CDK12: variants seen among roughly 807,000 people sequenced by gnomAD.
The protein encoded by CDK12 is cyclin-dependent kinase 12.
CDK12 carries 17 observed loss-of-function variants against 133.8 expected under a neutral mutation model. The ratio of observed to expected loss-of-function variants is 0.13; its 90% CI spans 0.09 to 0.19. The LOEUF is 0.19. CDK12 is among the 10% of genes least tolerant of loss of function. CDK12 has a pLI of 1.00. For missense variants in CDK12, 1,508 were observed against 1,818.7 expected (o/e 0.83, Z 3.11); for synonymous variants, 694 against 683.6 (o/e 1.02, Z -0.24).
At chr17:39,487,172 T>A (rs958821804) in intron 2 of CDK12, among the ~76,000 whole-genome samples, 23 of 152,218 alleles carry the variant, frequency 1.5e-4, no homozygotes, top group Non-Finnish European at 1.5e-4. Flanking sequence ...CTCCACTGAC[T>A]ATCCCAGTTC....
At chr17:39,481,676 C>T (rs1567706461) in intron 2 of CDK12, among the ~76,000 whole-genome samples, 9 of 12,358 alleles carry the variant, frequency 7.3e-4, no homozygotes, top group Non-Finnish European at 2.4e-3. Context: ...CTCTCTCTCT[C>T]TCTCTCTCTC....
chr17:39,518,536 T>C (rs2053959416), intron 10 of CDK12, among the ~76,000 whole-genome samples: 6 of 152,032 alleles, frequency 3.9e-5, no homozygotes. Context: ...CTCTCTGTTA[T>C]TTTATTTTAC....
chr17:39,472,857 C>G (rs1281916403), intron 2 of CDK12, among the ~76,000 whole-genome samples: 2 of 151,808 alleles, frequency 1.3e-5, no homozygotes, highest in Non-Finnish European at 2.9e-5. Context: ...GGGCGGATCA[C>G]AAGGTCAGGA....
At chr17:39,475,229 G>A (rs2050104715) in intron 2 of CDK12, among the ~76,000 whole-genome samples, 1 of 152,130 alleles carries the variant, frequency 6.6e-6, no homozygotes, top group Admixed American at 6.6e-5. Context: ...CAGTACTTTG[G>A]GAGGCCATGG....
chr17:39,512,758 A>G (rs1310159524), intron 8 of CDK12, among the ~76,000 whole-genome samples: 1 of 152,234 alleles, frequency 6.6e-6, no homozygotes, highest in East Asian at 1.9e-4. Flanking sequence ...GGTCTAAATA[A>G]TATAGAAAAG....
At chr17:39,559,815 G>A (rs2056302851) in intron 3 of CDK12, among the ~76,000 whole-genome samples, 1 of 149,664 alleles carries the variant, frequency 6.7e-6, no homozygotes, top group Non-Finnish European at 1.5e-5. Flanking sequence ...CGCCAGCCTG[G>A]GTGACACAGC....
intron 11 of CDK12, among the ~76,000 whole-genome samples, chr17:39,524,430 A>G (rs1015767235): frequency 3.3e-5 from 5 of 152,184 alleles, no homozygotes; most frequent in African/African-American, 1.2e-4. Context: ...GTCTGTACCT[A>G]GTATTAGCAA....
At chr17:39,491,929 C>G (rs1364757891) in intron 3 of CDK12, among the ~76,000 whole-genome samples, 1 of 149,308 alleles carries the variant, frequency 6.7e-6, no homozygotes, top group South Asian at 2.1e-4. Context: ...GAGATCGAGA[C>G]CATCTTGACC....
chr17:39,506,243 G>A (rs2053114966), intron 6 of CDK12, among the ~76,000 whole-genome samples: 1 of 137,528 alleles, frequency 7.3e-6, no homozygotes, highest in South Asian at 2.3e-4. Flanking sequence ...TTGAGATGGA[G>A]TCTCACTCTG....
intron 10 of CDK12, among the ~76,000 whole-genome samples, chr17:39,518,055 G>A (rs989875749): frequency 1.3e-5 from 2 of 149,706 alleles, no homozygotes; most frequent in Admixed American, 1.3e-4. Flanking sequence ...TTGGCTCACT[G>A]CAACCTCTGC....
rs148143213 is a variant in CDK12 at position 39,489,986 on chromosome 17, G to A, written c.1932-571G>A. Among the ~76,000 whole-genome samples, 1,229 of 151,472 alleles carry A rather than the reference G, an allele frequency of 8.1e-3. 33 individuals carry two copies. Among genetic ancestry groups the A allele is most frequent in the East Asian group, 0.069 (354 of 5,150 alleles). ...AAACTCCAAATAAAATCTTAGGAAC[G>A]ATATATTAAGAGTTTGATAAAGGGA... is the stretch of plus-strand genomic sequence containing the variant. On this transcript the variant is annotated intron_variant, in intron 2 of 13. Coordinates refer to ENST00000447079, the MANE Select transcript of CDK12 (RefSeq NM_016507.4).
chr17:39,533,915 C>G lies in CDK12; in HGVS notation c.*2599C>G, dbSNP rs2055009320. 4.3e-6 allele frequency: 1 copy of G among 231,868 alleles called. No homozygotes were observed. Among genetic ancestry groups the G allele is most frequent in the African/African-American group, 2.2e-5 (1 of 45,260 alleles). 14.4% of individuals were successfully genotyped at this position (231,868 alleles called of 1,614,324 possible). ...AAGTAAAGGTTTGGCAGAATTTCAC[C>G]TTGACTATTTGAAAATTACAGACCC... On this transcript the variant is annotated 3_prime_UTR_variant, in exon 14 of 14. Coordinates refer to ENST00000447079, the MANE Select transcript of CDK12 (RefSeq NM_016507.4).
At chr17:39,484,835 C>T (rs1486296097) in intron 2 of CDK12, among the ~76,000 whole-genome samples, 1 of 152,028 alleles carries the variant, frequency 6.6e-6, no homozygotes, top group African/African-American at 2.4e-5. Flanking sequence ...TATGCTCATC[C>T]AGTATAATGC....
At chr17:39,488,126 T>A (rs901405239) in intron 2 of CDK12, among the ~76,000 whole-genome samples, 1 of 151,798 alleles carries the variant, frequency 6.6e-6, no homozygotes, top group East Asian at 1.9e-4. Context: ...CCCAGCTTCT[T>A]AGGAGGCTAA....
intron 1 of CDK12, among the ~76,000 whole-genome samples, chr17:39,464,700 T>C (rs1421908420): frequency 1.3e-5 from 2 of 151,908 alleles, no homozygotes; most frequent in Admixed American, 6.6e-5. Context: ...AAGGTTGTAG[T>C]GAACACCCAT....
Position 39,530,731 on chromosome 17 carries a change from C to T in CDK12, c.3888C>T (p.Ala1296=), listed in dbSNP as rs143708999. The T allele has an allele frequency of 1.6e-5, 26 of 1,614,050 alleles. No homozygotes were observed. The highest frequency in any genetic ancestry group is 8.8e-5 in the South Asian group (8 of 91,072). Residue 1296 remains alanine (A), a synonymous_variant, in exon 14 of 14, where the codon GCC becomes GCT. Coordinates refer to ENST00000447079, the MANE Select transcript of CDK12 (RefSeq NM_016507.4). ...GCGCCCCCCAGGAGTTGAACCCAGCCGTGACAGCCGCCTTGCTGCAACTTT... is the reference window on the plus strand; with the variant it reads ...GCGCCCCCCAGGAGTTGAACCCAGCTGTGACAGCCGCCTTGCTGCAACTTT... The part of the protein sequence containing the change: ...LSSAPQELNP[A]VTAALLQLLS...
chr17:39,524,283 C>T (rs551002582), intron 11 of CDK12, among the ~76,000 whole-genome samples: 5 of 152,320 alleles, frequency 3.3e-5, no homozygotes, highest in South Asian at 4.1e-4. Flanking sequence ...CGCCTTTCCT[C>T]GACCTTCTGT....
intron 5 of CDK12, among the ~76,000 whole-genome samples, chr17:39,499,454 C>T (rs1174968709): frequency 6.6e-6 from 1 of 150,784 alleles, no homozygotes; most frequent in Non-Finnish European, 1.5e-5. Flanking sequence ...AGTGATCTGC[C>T]CGCCTTGGCC....
At chr17:39,527,369 T>TTC (rs1356569607) in intron 13 of CDK12, among the ~76,000 whole-genome samples, 26 of 152,366 alleles carry the variant, frequency 1.7e-4, no homozygotes, top group African/African-American at 6.0e-4. Flanking sequence ...TTGTTCTTGT[T>TTC]TCTCCCCTGC....
Sources: allele counts gnomAD v4.1 joint callset (sites outside exome capture counted in the v4.1 genomes callset), GRCh38; gene constraint gnomAD v4.1.1; transcripts MANE v1.5; gene names NCBI Gene and HGNC (gene_info 2026-07-23, HGNC 2026-07-21).